The following CSGALNACT1 variants were observed in gnomAD, a reference collection of about 807,000 sequenced individuals.
The protein encoded by CSGALNACT1 is beta4GalNAcT-1.
In CSGALNACT1, 52 loss-of-function variants were observed where a neutral mutation model predicts 51.0. That is an observed-to-expected ratio of 1.02 (90% CI 0.82 to 1.29). The LOEUF (loss-of-function observed/expected upper bound fraction) is 1.29, where lower values mean the gene tolerates loss of function less well. Among genes scored for constraint, CSGALNACT1 ranks in the 50% most tolerant of loss-of-function variants. CSGALNACT1 has a pLI of 0.00. For missense variants in CSGALNACT1, 935 were observed against 679.2 expected (o/e 1.38, Z -4.19); for synonymous variants, 341 against 254.4 (o/e 1.34, Z -3.24).
At position 19,466,625 on chromosome 8, in the gene CSGALNACT1, G is replaced by A. The variant is rs141662344; in HGVS notation, c.635-7983C>T. On this transcript the variant is annotated intron_variant, in intron 4 of 9. Transcript: ENST00000454498. ...AGACACTATTACAGTGCCATCACCT[G>A]TCAGCTGTTTTTATAGGTAAAGTAG... Among the ~76,000 whole-genome samples the A allele has an allele frequency of 9.1e-4, 138 of 152,316 alleles. 3 individuals carry two copies. Among genetic ancestry groups the A allele is most frequent in the African/African-American group, 3.2e-3 (133 of 41,572 alleles).
At chr8:19,411,364 G>A (rs2055687470) in intron 8 of CSGALNACT1, among the ~76,000 whole-genome samples, 1 of 152,188 alleles carries the variant, frequency 6.6e-6, no homozygotes, top group African/African-American at 2.4e-5. Flanking sequence ...TGTAAGCTCA[G>A]GGCTTGTTCT....
intron 1 of CSGALNACT1, among the ~76,000 whole-genome samples, chr8:19,648,039 T>C (rs2057435978): frequency 6.6e-6 from 1 of 152,184 alleles, no homozygotes. Context: ...TTGCTCAGGG[T>C]TTCTATTCAA....
chr8:19,493,542 T>C (rs1315355001), intron 4 of CSGALNACT1, among the ~76,000 whole-genome samples: 1 of 152,230 alleles, frequency 6.6e-6, no homozygotes, highest in Non-Finnish European at 1.5e-5. Flanking sequence ...CTATTCTCTG[T>C]CTCTGCTGAT....
exon 10 of CSGALNACT1, chr8:19,404,490 C>T (rs908132467): frequency 1.5e-5 from 7 of 453,476 alleles, no homozygotes; most frequent in Non-Finnish European, 2.2e-5. Context: ...TCTTGGTGAT[C>T]GAGTAGAACT....
intron 3 of CSGALNACT1, among the ~76,000 whole-genome samples, chr8:19,586,700 C>T (rs758351088): frequency 1.3e-5 from 2 of 152,090 alleles, no homozygotes; most frequent in Non-Finnish European, 2.9e-5. Flanking sequence ...CAGTACTTCT[C>T]ATAGACTGCT....
intron 1 of CSGALNACT1, among the ~76,000 whole-genome samples, chr8:19,665,357 T>C (rs1339719917): frequency 6.6e-6 from 1 of 152,218 alleles, no homozygotes; most frequent in Non-Finnish European, 1.5e-5. Context: ...CACGGCTCTT[T>C]TGGGCTTCCA....
At chr8:19,486,434 C>A (rs543259729) in intron 4 of CSGALNACT1, among the ~76,000 whole-genome samples, 10 of 152,172 alleles carry the variant, frequency 6.6e-5, no homozygotes, top group Non-Finnish European at 1.3e-4. Flanking sequence ...AAATCCTCAC[C>A]CGGGTCTATG....
At chr8:19,551,580 C>A (rs183993501) in intron 3 of CSGALNACT1, among the ~76,000 whole-genome samples, 3 of 152,308 alleles carry the variant, frequency 2.0e-5, no homozygotes, top group East Asian at 3.9e-4. Flanking sequence ...CTATTGCGTG[C>A]AAGCAAATAG....
At position 19,469,152 on chromosome 8, in the gene CSGALNACT1, G is replaced by A. The variant is rs148904525; in HGVS notation, c.635-10510C>T. Among the ~76,000 whole-genome samples the A allele has an allele frequency of 5.9e-5, 9 of 152,324 alleles. No homozygotes were observed. In the South Asian group the frequency reaches 1.9e-3, roughly 32 times the overall value. On this transcript the variant is annotated intron_variant, in intron 4 of 9. Transcript: ENST00000454498. Reference sequence around the variant, plus strand: ...TACTTGTAATCCTAGCACTTTGGGAGGCTGAGGTGCAAGGATCACTTGAGG... The same window carrying A: ...TACTTGTAATCCTAGCACTTTGGGAAGCTGAGGTGCAAGGATCACTTGAGG...
chr8:19,505,094 G>T, intron 4 of CSGALNACT1, 107 bp downstream of exon 3: 2 of 1,253,722 alleles, frequency 1.6e-6, no homozygotes, highest in Non-Finnish European at 2.3e-6. Context: ...CTTTCCGCCA[G>T]CCATCCCAGA....
chr8:19,628,589 G>A (rs1315446763), intron 1 of CSGALNACT1, among the ~76,000 whole-genome samples: 1 of 152,158 alleles, frequency 6.6e-6, no homozygotes, highest in Non-Finnish European at 1.5e-5. Context: ...CTGTTGCTAA[G>A]TAATAGAGGT....
intron 3 of CSGALNACT1, among the ~76,000 whole-genome samples, chr8:19,513,979 C>T (rs113100149): frequency 0.01 from 1,558 of 152,268 alleles, 25 homozygotes; most frequent in African/African-American, 0.035. Context: ...CCCCAAACCA[C>T]ATCCACCCAG....
At chr8:19,546,417 T>G (rs1294586475) in intron 3 of CSGALNACT1, among the ~76,000 whole-genome samples, 1 of 152,182 alleles carries the variant, frequency 6.6e-6, no homozygotes, top group Non-Finnish European at 1.5e-5. Flanking sequence ...CTCTGGAATA[T>G]TAAGGACTTT....
exon 10 of CSGALNACT1, chr8:19,404,921 C>A (rs1014530711): frequency 4.4e-6 from 2 of 454,232 alleles, no homozygotes; most frequent in Admixed American, 2.3e-5. Flanking sequence ...TTAGTACAAA[C>A]CATTCCTTCC....
intron 1 of CSGALNACT1, among the ~76,000 whole-genome samples, chr8:19,631,036 T>C (rs536562752): frequency 6.6e-6 from 1 of 152,354 alleles, no homozygotes; most frequent in African/African-American, 2.4e-5. Context: ...GATATGTATC[T>C]AATGTTAGCA....
At chr8:19,690,042 G>C (rs2061212619) in intron 1 of CSGALNACT1, among the ~76,000 whole-genome samples, 1 of 152,156 alleles carries the variant, frequency 6.6e-6, no homozygotes, top group East Asian at 1.9e-4. Flanking sequence ...AACTAAATGT[G>C]TTGAATTTTA....
chr8:19,703,674 G>A (rs1482500206), intron 1 of CSGALNACT1, among the ~76,000 whole-genome samples: 3 of 152,164 alleles, frequency 2.0e-5, no homozygotes, highest in East Asian at 1.9e-4. Flanking sequence ...TGACTGCACA[G>A]CACCTTCCAC....
intron 1 of CSGALNACT1, among the ~76,000 whole-genome samples, chr8:19,630,945 C>T (rs180901565): frequency 5.3e-5 from 8 of 152,280 alleles, no homozygotes; most frequent in Non-Finnish European, 1.0e-4. Context: ...TTTGTTACAA[C>T]TGACGAGCCA....
Position 19,507,528 on chromosome 8 carries a change from G to GAAAA in CSGALNACT1, c.-296-1402_-296-1399dup, listed in dbSNP as rs35759799. Among the ~76,000 whole-genome samples, 597 of 74,572 alleles carry GAAAA rather than the reference G, an allele frequency of 8.0e-3. 36 individuals are homozygous for GAAAA. The highest frequency in any genetic ancestry group is 0.025 in the African/African-American group (456 of 17,934). 48.9% of individuals were successfully genotyped at this position (74,572 alleles called of 152,430 possible). On this transcript the variant is annotated intron_variant, in intron 3 of 9. Coordinates refer to ENST00000454498, the Ensembl canonical transcript of CSGALNACT1. ...TGTCTTCCCCTACCCATCTTAGCCAGAAAAAAAAAAAAAAAAAAAAAAAAG... is the reference window on the plus strand; with the variant it reads ...TGTCTTCCCCTACCCATCTTAGCCAGAAAAAAAAAAAAAAAAAAAAAAAAAAAAG...
Sources: allele counts gnomAD v4.1 joint callset (sites outside exome capture counted in the v4.1 genomes callset), GRCh38; gene constraint gnomAD v4.1.1; transcripts MANE v1.5; gene names NCBI Gene and HGNC (gene_info 2026-07-23, HGNC 2026-07-21).